KIF13A: variants seen among roughly 807,000 people sequenced by gnomAD.
KIF13A encodes kinesin-like protein KIF13A.
A neutral mutation model predicts 212.2 loss-of-function variants in KIF13A; 79 were observed. The ratio of observed to expected loss-of-function variants is 0.37; its 90% CI spans 0.31 to 0.45. The LOEUF (loss-of-function observed/expected upper bound fraction) is 0.45, where lower values mean the gene tolerates loss of function less well. Ranked by LOEUF, KIF13A falls within the 20% of genes least tolerant of loss-of-function variation. The pLI is 1.00. For missense variants in KIF13A, 1,901 were observed against 2,209.0 expected, an observed-to-expected ratio of 0.86 and a Z score of 2.79; for synonymous variants, 789 against 808.6, an observed-to-expected ratio of 0.98 and a Z score of 0.41.
intron 2 of KIF13A, among the ~76,000 whole-genome samples, chr6:17,925,529 C>T (rs1404921314): frequency 6.6e-6 from 1 of 152,196 alleles, no homozygotes; most frequent in East Asian, 1.9e-4. Flanking sequence ...GGAGTAAACA[C>T]ACATGGTTTC....
At chr6:17,927,309 T>C (rs561424506) in intron 2 of KIF13A, among the ~76,000 whole-genome samples, 3 of 152,186 alleles carry the variant, frequency 2.0e-5, no homozygotes, top group African/African-American at 4.8e-5. Flanking sequence ...ATGGGGTATA[T>C]ACTACAATGG....
intron 2 of KIF13A, among the ~76,000 whole-genome samples, chr6:17,977,410 C>CAACTAG (rs1780666163): frequency 6.6e-6 from 1 of 152,198 alleles, no homozygotes; most frequent in Non-Finnish European, 1.5e-5. Context: ...AAATGCCTTT[C>CAACTAG]AACTAGTAAG....
At chr6:17,782,707 T>C (rs1760713385) in intron 29 of KIF13A, among the ~76,000 whole-genome samples, 1 of 152,188 alleles carries the variant, frequency 6.6e-6, no homozygotes, top group Non-Finnish European at 1.5e-5. Flanking sequence ...ATTCCTCCTG[T>C]AAACTGTTAG....
chr6:17,760,920 C>T, downstream of KIF13A: 1 of 1,608,950 alleles, frequency 6.2e-7, no homozygotes, highest in Non-Finnish European at 8.5e-7. Context: ...TCATCCCCAC[C>T]TCCCCACCCC....
intron 25 of KIF13A, among the ~76,000 whole-genome samples, chr6:17,793,574 A>G (rs1302584688): frequency 6.6e-6 from 1 of 152,164 alleles, no homozygotes; most frequent in East Asian, 1.9e-4. Context: ...TAAAGCTTTC[A>G]AAGAACTGGT....
Position 17,929,068 on chromosome 6 carries a change from A to AAAC in KIF13A, c.147-30889_147-30888insGTT, listed in dbSNP as rs749673828. The stretch of plus-strand genomic sequence containing the variant: ...AAAGAAAAGAATTTCTCAAAAAAAA[A>AAAC]AAAAAAAAAAAAAAACAAAGGAGCT... On this transcript the variant is annotated intron_variant, in intron 2 of 38. Transcript: ENST00000259711. Among the ~76,000 whole-genome samples the AAAC allele has an allele frequency of 2.3e-3, 272 of 116,158 alleles. 1 individual carries two copies. Among genetic ancestry groups the AAAC allele is most frequent in the South Asian group, 7.4e-3 (20 of 2,694 alleles). The allele number at this position is 116,158 out of a possible 152,430, so 76.2% of individuals were successfully genotyped here.
At chr6:17,901,603 T>C (rs1040626338) in intron 2 of KIF13A, among the ~76,000 whole-genome samples, 2 of 152,190 alleles carry the variant, frequency 1.3e-5, no homozygotes, top group African/African-American at 2.4e-5. Flanking sequence ...AATAATTTAT[T>C]TGCTTGCCTT....
rs1779467788 is a variant in KIF13A, at chr6:17,967,876, TAATA to T, written c.146+19174_146+19177del. ...TTAAGTAAGTCTGTAAAAGCTTACT[TAATA>T]AAGTCTGTGAAGGTCTTAATAAATG... On this transcript the variant is annotated intron_variant, in intron 2 of 38. Coordinates refer to ENST00000259711, the MANE Select transcript of KIF13A (RefSeq NM_022113.6). The surrounding 1 kb of genome is among the most constrained non-coding windows in gnomAD (Gnocchi z 4.1). 6.6e-6 allele frequency among the ~76,000 whole-genome samples: 1 copy of T among 152,354 alleles called. No homozygotes were observed.
chr6:17,891,311 G>T lies in KIF13A; in HGVS notation c.159+6857C>A, dbSNP rs578190923. Among the ~76,000 whole-genome samples, 40 of 152,194 alleles carry T rather than the reference G, an allele frequency of 2.6e-4. 1 individual carries two copies. In the South Asian group the frequency reaches 7.9e-3, roughly 30 times the overall value. ...CATTTATCAAAGAGAAAAACCCAAA[G>T]ATATGGTACAAAGCAATTTATAAAG... On this transcript the variant is annotated intron_variant, in intron 3 of 38. Coordinates refer to ENST00000259711, the MANE Select transcript of KIF13A (RefSeq NM_022113.6).
Position 17,851,938 on chromosome 6 carries a change from T to TAAA in KIF13A, c.582+14_582+16dup. The TAAA allele has an allele frequency of 7.3e-7, 1 of 1,379,188 alleles. No homozygotes were observed. The highest frequency in any genetic ancestry group is 1.5e-5 in the South Asian group (1 of 67,512). 85.4% of individuals were successfully genotyped at this position (1,379,188 alleles called of 1,614,324 possible). On this transcript the variant is annotated intron_variant, in intron 7 of 38. Coordinates refer to ENST00000259711, the MANE Select transcript of KIF13A (RefSeq NM_022113.6). Reference sequence around the variant, plus strand: ...TTATAGTCAGCTTTTAATCACATTTTAAAAAAAATGACTTACCTCAAAACT... The same window carrying TAAA: ...TTATAGTCAGCTTTTAATCACATTTTAAAAAAAAAAATGACTTACCTCAAAACT...
intron 3 of KIF13A, among the ~76,000 whole-genome samples, chr6:17,875,928 T>C (rs1237128044): frequency 6.6e-6 from 1 of 152,194 alleles, no homozygotes; most frequent in Non-Finnish European, 1.5e-5. Context: ...TATTTGAGAT[T>C]CTCAATGAAA....
intron 11 of KIF13A, among the ~76,000 whole-genome samples, chr6:17,835,195 CAAAAAAAAAAAAAAAAAAAAAAAAA>C (rs61697144): frequency 6.1e-4 from 28 of 45,952 alleles, no homozygotes; most frequent in South Asian, 2.1e-3. Flanking sequence ...CCGCCCCCGC[CAAAAAAAAAAAAAAAAAAAAAAAAA>C]AAAAAAAAAA....
At chr6:17,940,831 T>TTA (rs1561785302) in intron 2 of KIF13A, among the ~76,000 whole-genome samples, 4 of 36,338 alleles carry the variant, frequency 1.1e-4, no homozygotes, top group African/African-American at 3.1e-4. Context: ...TTTTTTTTTT[T>TTA]TTTTTTTTTT....
intron 25 of KIF13A, among the ~76,000 whole-genome samples, chr6:17,790,903 AC>A (rs1761478450): frequency 6.6e-6 from 1 of 152,240 alleles, no homozygotes; most frequent in Non-Finnish European, 1.5e-5. Context: ...ACACAGGGCA[AC>A]ATTGTAAAAT....
Position 17,777,178 on chromosome 6 carries a change from T to C in KIF13A, c.4170+99A>G, listed in dbSNP as rs924845282. The C allele has an allele frequency of 1.1e-6, 1 of 917,370 alleles. No homozygotes were observed. The highest frequency in any genetic ancestry group is 2.6e-5 in the East Asian group (1 of 37,972). 56.8% of individuals were successfully genotyped at this position (917,370 alleles called of 1,614,324 possible). ...CTACACTTTGGGATGCCCACACCAGTTCCATAAGCTCTACTGCCACTGTGT... is the reference window on the plus strand; with the variant it reads ...CTACACTTTGGGATGCCCACACCAGCTCCATAAGCTCTACTGCCACTGTGT... On this transcript the variant is annotated intron_variant, in intron 34 of 38. Transcript: ENST00000259711. This position sits in a 1 kb window ranked among gnomAD's most constrained non-coding sequence, Gnocchi z 4.4.
intron 2 of KIF13A, among the ~76,000 whole-genome samples, chr6:17,927,889 C>T (rs1775624304): frequency 6.6e-6 from 1 of 152,194 alleles, no homozygotes; most frequent in South Asian, 2.1e-4. Flanking sequence ...AGCACCAGAG[C>T]AGCACCCCCT....
rs1269626297 is a variant in KIF13A, at chr6:17,947,411, T to C, written c.146+39643A>G. ...CAACATAAGGAGAATAAACTTATTT[T>C]AGCAAAATTTGATAATACCTAATAA... On this transcript the variant is annotated intron_variant, in intron 2 of 38. Transcript: ENST00000259711. This position sits in a 1 kb window ranked among gnomAD's most constrained non-coding sequence, Gnocchi z 4.6. Among the ~76,000 whole-genome samples the C allele has an allele frequency of 6.6e-6, 1 of 152,240 alleles. No homozygotes were observed. The highest frequency in any genetic ancestry group is 2.4e-5 in the African/African-American group (1 of 41,476).
chr6:17,953,307 A>G (rs555200869), intron 2 of KIF13A, among the ~76,000 whole-genome samples: 34 of 152,316 alleles, frequency 2.2e-4, no homozygotes, highest in African/African-American at 6.5e-4. Context: ...ACACACACCC[A>G]TATTCTCTCT....
intron 3 of KIF13A, among the ~76,000 whole-genome samples, chr6:17,880,619 C>A (rs1770973517): frequency 1.6e-5 from 2 of 121,800 alleles, no homozygotes; most frequent in African/African-American, 6.6e-5. Flanking sequence ...CAGGGCGAGA[C>A]TCTGTCTCAA....
Sources: allele counts gnomAD v4.1 joint callset (sites outside exome capture counted in the v4.1 genomes callset), GRCh38; gene constraint gnomAD v4.1.1; non-coding constraint Gnocchi (gnomAD v3.1); transcripts MANE v1.5; gene names NCBI Gene and HGNC (gene_info 2026-07-23, HGNC 2026-07-21).